SLC26A3: variants seen among roughly 807,000 people sequenced by gnomAD.
SLC26A3 encodes the protein solute carrier family 26 member 3.
SLC26A3 carries 64 observed loss-of-function variants against 85.6 expected under a neutral mutation model. The ratio of observed to expected loss-of-function variants is 0.75; its 90% CI spans 0.61 to 0.92. SLC26A3 has a LOEUF of 0.92. Ranked by LOEUF, SLC26A3 falls within the 40% of genes least tolerant of loss-of-function variation. The pLI is 0.00. For missense variants in SLC26A3, 922 were observed against 927.3 expected, an observed-to-expected ratio of 0.99 and a Z score of 0.07; for synonymous variants, 349 against 336.0, an observed-to-expected ratio of 1.04 and a Z score of -0.42.
Position 107,776,543 on chromosome 7 carries a change from A to C in SLC26A3, c.1586T>G (p.Met529Arg), listed in dbSNP as rs768761270. ...IYKNKKDYYD[M>R]YEPEGVKIFR... ...AATTTTCACTCCTTCTGGCTCATAC[A>C]TCTGTAAGGCAGAGAAGCATTGTTA... The change falls in exon 15 of 21, where the codon ATG becomes AGG. Residue 529 changes from methionine (M) to arginine (R), a missense_variant and splice_region_variant. Transcript: ENST00000340010. The C allele has an allele frequency of 1.9e-6, 3 of 1,613,742 alleles. No individual in the cohort carries two copies. The highest frequency in any genetic ancestry group is 2.2e-5 in the East Asian group (1 of 44,872).
chr7:107,779,641 C>T (rs1287947822), intron 12 of SLC26A3, 27 bp downstream of exon 12: 2 of 1,539,128 alleles, frequency 1.3e-6, no homozygotes, highest in Admixed American at 3.3e-5. Flanking sequence ...ATTTATCTCT[C>T]TTTCAAATAC....
In SLC26A3 at chr7:107,791,075, T is replaced by G; in HGVS notation, c.543A>C (p.Ser181=). 4 of 1,614,092 alleles carry G rather than the reference T, an allele frequency of 2.5e-6. No homozygotes were observed. The highest frequency in any genetic ancestry group is 3.4e-6 in the Non-Finnish European group (4 of 1,180,020). ...DERVRVAAAA[S]VTVLSGIIQL... ...GGATGATTCCAGAAAGCACTGTGAC[T>G]GATGCCGCCGCCGCCACCCTCACCC... The change falls in exon 5 of 21, where the codon TCA becomes TCC. Residue 181 remains serine, a synonymous_variant. Transcript: ENST00000340010.
chr7:107,801,436 TCTC>T (rs1794597649), intron 1 of SLC26A3, among the ~76,000 whole-genome samples: 1 of 152,114 alleles, frequency 6.6e-6, no homozygotes, highest in Non-Finnish European at 1.5e-5. Flanking sequence ...TGGGGACAAA[TCTC>T]CTTGAGGTGA....
At chr7:107,782,424 G>T (rs991299141) in intron 11 of SLC26A3, among the ~76,000 whole-genome samples, 11 of 152,114 alleles carry the variant, frequency 7.2e-5, no homozygotes, top group Non-Finnish European at 1.3e-4. Context: ...TTGTGTGGCT[G>T]GTAGGGCCAT....
chr7:107,787,299 G>T, intron 7 of SLC26A3, 58 bp downstream of exon 7: 2 of 1,577,594 alleles, frequency 1.3e-6, no homozygotes, highest in Non-Finnish European at 8.7e-7. Flanking sequence ...AATGGTGAAG[G>T]ACTTACAACA....
intron 12 of SLC26A3, among the ~76,000 whole-genome samples, chr7:107,778,957 C>G (rs1794174361): frequency 6.6e-6 from 1 of 152,106 alleles, no homozygotes; most frequent in Non-Finnish European, 1.5e-5. Flanking sequence ...CACCATTGCA[C>G]TCCAGCCTGG....
chr7:107,794,842 T>C (rs1049965593), intron 1 of SLC26A3, among the ~76,000 whole-genome samples: 6 of 152,230 alleles, frequency 3.9e-5, no homozygotes, highest in Non-Finnish European at 8.8e-5. Context: ...ACTCAGTTTA[T>C]GAATCAATTA....
intron 8 of SLC26A3, among the ~76,000 whole-genome samples, chr7:107,784,457 G>T (rs1344082204): frequency 1.3e-5 from 2 of 152,012 alleles, no homozygotes; most frequent in African/African-American, 4.8e-5. Flanking sequence ...CTTGTTCTCT[G>T]TTTTTTTGAG....
intron 5 of SLC26A3, among the ~76,000 whole-genome samples, chr7:107,790,161 T>C (rs911403554): frequency 2.0e-5 from 3 of 152,192 alleles, no homozygotes; most frequent in African/African-American, 4.8e-5. Context: ...TAACTGCATA[T>C]TGGACATCAG....
chr7:107,782,651 G>A (rs1794230804), intron 11 of SLC26A3, 146 bp downstream of exon 11: 1 of 793,350 alleles, frequency 1.3e-6, no homozygotes, highest in South Asian at 1.5e-5. Flanking sequence ...AATATTTTTG[G>A]CTCATACAGA....
intron 8 of SLC26A3, among the ~76,000 whole-genome samples, chr7:107,785,756 TC>T (rs1363561810): frequency 2.9e-4 from 44 of 152,308 alleles, no homozygotes; most frequent in African/African-American, 1.0e-3. Context: ...AAATGTTTTT[TC>T]TTTAAAAAAA....
intron 18 of SLC26A3, among the ~76,000 whole-genome samples, chr7:107,770,172 TTTTTTTTTTAAAAAAAAAAAGGGG>T: frequency 7.7e-5 from 1 of 13,068 alleles, no homozygotes; most frequent in Non-Finnish European, 2.0e-4. Context: ...TTTTTTTTTT[TTTTTTTTTTAAAAAAAAAAAGGGG>T]TTTTTTTTTT....
chr7:107,771,936 T>C (rs1794036086), intron 18 of SLC26A3, 118 bp downstream of exon 18: 1 of 752,234 alleles, frequency 1.3e-6, no homozygotes, highest in Non-Finnish European at 2.4e-6. Flanking sequence ...TGGCTGCATA[T>C]TAGATTTTCA....
chr7:107,800,065 G>A (rs1350208310), intron 1 of SLC26A3, among the ~76,000 whole-genome samples: 1 of 152,186 alleles, frequency 6.6e-6, no homozygotes, highest in Non-Finnish European at 1.5e-5. Flanking sequence ...TATCTCACAA[G>A]CTTCTTCACT....
In SLC26A3 at chr7:107,767,946, A is replaced by G. The variant is rs752066328; in HGVS notation, c.2063-38T>C. The G allele has an allele frequency of 1.7e-5, 27 of 1,601,050 alleles. No homozygotes were observed. In the East Asian group the frequency reaches 3.8e-4, roughly 23 times the overall value. ...AAACAGTAACTTTTAGGAAGAAACA[A>G]TTGTTTGGCTACCGGTTTCCCCTTG... On this transcript the variant is annotated intron_variant, in intron 18 of 20. Transcript: ENST00000340010.
Position 107,776,562 on chromosome 7 carries a change from A to G in SLC26A3, c.1585-18T>C, listed in dbSNP as rs1219681963. The G allele has an allele frequency of 6.2e-7, 1 of 1,611,876 alleles. No individual in the cohort carries two copies. Among genetic ancestry groups the G allele is most frequent in the Non-Finnish European group, 8.5e-7 (1 of 1,177,916 alleles). ...TCATACATCTGTAAGGCAGAGAAGCATTGTTAGGTGTTGCCCATTAGATCC... is the reference window on the plus strand; with the variant it reads ...TCATACATCTGTAAGGCAGAGAAGCGTTGTTAGGTGTTGCCCATTAGATCC... On this transcript the variant is annotated intron_variant, in intron 14 of 20. Coordinates refer to ENST00000340010, the MANE Select transcript of SLC26A3 (RefSeq NM_000111.3).
intron 20 of SLC26A3, among the ~76,000 whole-genome samples, chr7:107,766,879 C>CTTT (rs530938974): frequency 2.7e-4 from 38 of 140,356 alleles, no homozygotes; most frequent in African/African-American, 9.3e-4. Context: ...AGCCTGTTTC[C>CTTT]TTTTTTTTTT....
intron 1 of SLC26A3, among the ~76,000 whole-genome samples, chr7:107,796,137 T>C (rs903767473): frequency 6.6e-6 from 1 of 151,872 alleles, no homozygotes; most frequent in Admixed American, 6.6e-5. Context: ...AGAGACAGGA[T>C]CTCACTGTCG....
At chr7:107,799,615 C>T (rs1308859219) in intron 1 of SLC26A3, among the ~76,000 whole-genome samples, 4 of 152,216 alleles carry the variant, frequency 2.6e-5, no homozygotes, top group Non-Finnish European at 5.9e-5. Flanking sequence ...TGGTCTCGAA[C>T]TCCTGGCCTC....
Sources: allele counts gnomAD v4.1 joint callset (sites outside exome capture counted in the v4.1 genomes callset), GRCh38; gene constraint gnomAD v4.1.1; transcripts MANE v1.5; gene names NCBI Gene and HGNC (gene_info 2026-07-23, HGNC 2026-07-21).